The following RAD51 variants were observed in gnomAD, a reference collection of about 807,000 sequenced individuals.
The protein encoded by RAD51 is DNA repair protein RAD51 homolog 1.
A neutral mutation model predicts 41.5 loss-of-function variants in RAD51; 14 were observed. The observed-to-expected ratio is 0.34, with a 90% confidence interval of 0.22 to 0.53. The LOEUF is 0.53. RAD51 is among the 20% of genes least tolerant of loss of function. The pLI, the probability that RAD51 is intolerant of heterozygous loss-of-function variation, is 0.95. For synonymous variants in RAD51, 136 were observed against 148.6 expected (o/e 0.92, Z 0.62); for missense variants, 234 against 422.0 (o/e 0.55, Z 3.90).
Position 40,731,441 on chromosome 15 carries a change from C to T in RAD51, c.*263C>T. ...GTTTTGGAGGAGGGGTATGAAGTAT[C>T]TTTGACATGGTGCCTTAGGAATGAC... On this transcript the variant is annotated 3_prime_UTR_variant, in exon 10 of 10. Transcript: ENST00000267868. 1 of 468,248 alleles carries T rather than the reference C, an allele frequency of 2.1e-6. No homozygotes were observed. Among genetic ancestry groups the T allele is most frequent in the Non-Finnish European group, 3.9e-6 (1 of 257,206 alleles). 29.0% of individuals were successfully genotyped at this position (468,248 alleles called of 1,614,324 possible).
chr15:40,732,078 G>A lies in RAD51; in HGVS notation c.*900G>A, dbSNP rs1896901537. 4.8e-6 allele frequency: 1 copy of A among 207,238 alleles called. No homozygotes were observed. Among genetic ancestry groups the A allele is most frequent in the African/African-American group, 2.3e-5 (1 of 43,808 alleles). The allele number at this position is 207,238 out of a possible 1,614,324, so 12.8% of individuals were successfully genotyped here. ...AGCCAGGGTGACAGAGTGAGACCAT[G>A]TTTCAAACAAGAAACATTTCAGAGG... On this transcript the variant is annotated 3_prime_UTR_variant, in exon 10 of 10. Transcript: ENST00000267868.
intron 1 of RAD51, among the ~76,000 whole-genome samples, chr15:40,697,559 T>C (rs2141809112): frequency 6.7e-6 from 1 of 149,102 alleles, no homozygotes; most frequent in South Asian, 2.1e-4. Context: ...ATTTATGAGA[T>C]ACAAGATGAT....
intron 3 of RAD51, among the ~76,000 whole-genome samples, chr15:40,704,058 A>T (rs1311877001): frequency 6.6e-6 from 1 of 151,616 alleles, no homozygotes; most frequent in Non-Finnish European, 1.5e-5. Flanking sequence ...ACGCCCCACC[A>T]TGCCCTGCTA....
chr15:40,731,174 A>T lies in RAD51; in HGVS notation c.1016A>T (p.Asp339Val). Residue 339 changes from aspartate to valine, a missense_variant, in exon 10 of 10, where the codon GAC becomes GTC. This residue lies in a region of RAD51 where 134 missense variants were observed against 286.5 expected (regional missense o/e 0.47). Coordinates refer to ENST00000267868, the MANE Select transcript of RAD51 (RefSeq NM_002875.5). ...INADGVGDAK[D>V] ...GCAGATGGAGTGGGAGATGCCAAAG[A>T]CTGAATCATTGGGTTTTTCCTCTGT... 1 of 1,614,028 alleles carries T rather than the reference A, an allele frequency of 6.2e-7. No homozygotes were observed. Among genetic ancestry groups the T allele is most frequent in the Non-Finnish European group, 8.5e-7 (1 of 1,179,986 alleles).
intron 2 of RAD51, among the ~76,000 whole-genome samples, chr15:40,699,461 G>GT (rs953009543): frequency 2.0e-5 from 3 of 152,258 alleles, no homozygotes; most frequent in East Asian, 3.9e-4. Context: ...TTTTTTGTTT[G>GT]TTTTTTAAGA....
At chr15:40,700,848 G>A (rs1595979121) in intron 2 of RAD51, among the ~76,000 whole-genome samples, 2 of 152,028 alleles carry the variant, frequency 1.3e-5, no homozygotes, top group Non-Finnish European at 2.9e-5. Flanking sequence ...CAGGTAATAC[G>A]CCATTTTATA....
At chr15:40,725,804 T>C (rs1216558274) in intron 6 of RAD51, among the ~76,000 whole-genome samples, 1 of 152,050 alleles carries the variant, frequency 6.6e-6, no homozygotes, top group Non-Finnish European at 1.5e-5. Flanking sequence ...CGTGGCAACA[T>C]GGTGAAACCC....
At chr15:40,713,378 A>T (rs1209479970) in intron 5 of RAD51, among the ~76,000 whole-genome samples, 1 of 149,216 alleles carries the variant, frequency 6.7e-6, no homozygotes, top group African/African-American at 2.5e-5. Context: ...CCAAACTGGG[A>T]TTACAGGTGC....
At chr15:40,709,371 CTTTTT>C (rs772005920) in intron 5 of RAD51, among the ~76,000 whole-genome samples, 3 of 110,934 alleles carry the variant, frequency 2.7e-5, no homozygotes, top group Admixed American at 1.0e-4. Context: ...TTACTTGCTA[CTTTTT>C]TTTTTTTTTT....
At chr15:40,700,374 A>G (rs564377984) in intron 2 of RAD51, among the ~76,000 whole-genome samples, 1 of 152,386 alleles carries the variant, frequency 6.6e-6, no homozygotes, top group Non-Finnish European at 1.5e-5. Context: ...ATTGTTCAAC[A>G]AAAAGTATTG....
intron 1 of RAD51, chr15:40,695,827 A>G (rs887956842): frequency 2.6e-5 from 4 of 152,188 alleles, no homozygotes; most frequent in African/African-American, 4.8e-5. Context: ...TAATGCGGAA[A>G]ACCATTCACA....
In RAD51 at chr15:40,701,776, A is replaced by ATTTTTTT. The variant is rs35383252; in HGVS notation, c.225+595_225+601dup. ...TGAAGTTTTATGTAGTATAAAGCAG[A>ATTTTTTT]TTTTTTTTTTTTTTTTTTTTTTTTT... On this transcript the variant is annotated intron_variant, in intron 3 of 9. Transcript: ENST00000267868. The ATTTTTTT allele has an allele frequency of 2.3e-4, 31 of 132,002 alleles. 4 individuals are homozygous for ATTTTTTT. Among genetic ancestry groups the ATTTTTTT allele is most frequent in the African/African-American group, 1.9e-3 (31 of 16,138 alleles). 8.2% of individuals were successfully genotyped at this position (132,002 alleles called of 1,614,324 possible).
intron 3 of RAD51, among the ~76,000 whole-genome samples, chr15:40,705,103 C>T (rs1047003445): frequency 2.6e-5 from 4 of 152,220 alleles, no homozygotes; most frequent in African/African-American, 9.6e-5. Flanking sequence ...ATTCACCACA[C>T]CCAGCCTTCT....
At chr15:40,730,196 A>T (rs1896795478) in intron 9 of RAD51, among the ~76,000 whole-genome samples, 1 of 152,282 alleles carries the variant, frequency 6.6e-6, no homozygotes, top group East Asian at 1.9e-4. Context: ...AGTAATTGAT[A>T]TGCCTCTCCC....
intron 3 of RAD51, among the ~76,000 whole-genome samples, chr15:40,705,742 C>T (rs2141829318): frequency 6.6e-6 from 1 of 152,166 alleles, no homozygotes; most frequent in South Asian, 2.1e-4. Flanking sequence ...GTAGCTGGGA[C>T]TTCAGGCACC....
chr15:40,710,472 A>AG (rs1373726738), intron 5 of RAD51, among the ~76,000 whole-genome samples: 1 of 140,504 alleles, frequency 7.1e-6, no homozygotes, highest in African/African-American at 2.7e-5. Context: ...ATTGCATTCC[A>AG]GCCTGGTCAA....
At chr15:40,710,642 A>C (rs1015389231) in intron 5 of RAD51, among the ~76,000 whole-genome samples, 1 of 152,102 alleles carries the variant, frequency 6.6e-6, no homozygotes, top group Non-Finnish European at 1.5e-5. Context: ...CAGGCATCTC[A>C]TATCTCATAC....
intron 5 of RAD51, among the ~76,000 whole-genome samples, chr15:40,715,247 T>C (rs1895927809): frequency 6.6e-6 from 1 of 152,074 alleles, no homozygotes. Context: ...TCCCAGCTAC[T>C]TGGGAGGCTG....
intron 5 of RAD51, among the ~76,000 whole-genome samples, chr15:40,715,705 C>G (rs1289882741): frequency 1.3e-5 from 2 of 152,204 alleles, no homozygotes; most frequent in Non-Finnish European, 2.9e-5. Context: ...AGCTTGTCCA[C>G]TATCCTGTTG....
Sources: allele counts gnomAD v4.1 joint callset (sites outside exome capture counted in the v4.1 genomes callset), GRCh38; gene constraint gnomAD v4.1.1; regional missense constraint gnomAD v4.1.1; transcripts MANE v1.5; gene names NCBI Gene and HGNC (gene_info 2026-07-23, HGNC 2026-07-21).